Variants in GAREM1 observed in about 807,000 individuals in gnomAD.
The protein encoded by GAREM1 is GRB2-associated and regulator of MAPK protein 1.
Under a neutral mutation model 71.3 loss-of-function variants are expected in GAREM1, and 26 were observed. The ratio of observed to expected loss-of-function variants is 0.36; its 90% CI spans 0.27 to 0.51. The LOEUF is 0.51. GAREM1 is among the 20% of genes least tolerant of loss of function. The probability of loss-of-function intolerance (pLI) is 0.95; values close to 1 mark genes in which losing one functional copy is unlikely to be tolerated. For synonymous variants in GAREM1, 440 were observed against 433.2 expected, an observed-to-expected ratio of 1.02 and a Z score of -0.20; for missense variants, 1,026 against 1,103.1, an observed-to-expected ratio of 0.93 and a Z score of 0.99.
intron 2 of GAREM1, among the ~76,000 whole-genome samples, chr18:32,337,665 A>G (rs2047610623): frequency 6.6e-6 from 1 of 152,238 alleles, no homozygotes; most frequent in African/African-American, 2.4e-5. Context: ...GACAATGAGT[A>G]AGTGATACGA....
chr18:32,422,893 T>A (rs113949628), intron 1 of GAREM1, among the ~76,000 whole-genome samples: 1 of 152,196 alleles, frequency 6.6e-6, no homozygotes, highest in South Asian at 2.1e-4. Context: ...TGAGGAAATA[T>A]GTACAAGGTT....
rs2041368643 is a variant in GAREM1 at position 32,265,986 on chromosome 18, G to C, written c.*1885C>G. ...AACACGAAAGCTTCATAGGTCTCAT[G>C]TCCTGTGAGTGCAGTACCAGCACTT... On this transcript the variant is annotated 3_prime_UTR_variant, in exon 6 of 6. Coordinates refer to ENST00000269209, the MANE Select transcript of GAREM1 (RefSeq NM_001242409.2). The C allele has an allele frequency of 6.6e-6, 1 of 152,184 alleles. No homozygotes were observed. Among genetic ancestry groups the C allele is most frequent in the Admixed American group, 6.5e-5 (1 of 15,284 alleles). 9.4% of individuals were successfully genotyped at this position (152,184 alleles called of 1,614,324 possible). A position where few individuals can be genotyped will look rare whatever the true frequency, so the allele number is the denominator to read the frequency against.
intron 2 of GAREM1, among the ~76,000 whole-genome samples, chr18:32,321,715 A>T (rs1403738546): frequency 2.0e-5 from 3 of 152,140 alleles, no homozygotes; most frequent in Admixed American, 2.0e-4. Flanking sequence ...TGTCAACTTC[A>T]ACTCCATTCT....
At chr18:32,457,220 A>ATGTGTGT (rs1568018903) in intron 1 of GAREM1, among the ~76,000 whole-genome samples, 14 of 109,394 alleles carry the variant, frequency 1.3e-4, no homozygotes, top group African/African-American at 4.2e-4. Flanking sequence ...AGAGAGAGAG[A>ATGTGTGT]GAGAGAGTGT....
At chr18:32,435,134 T>G (rs1387140651) in intron 1 of GAREM1, among the ~76,000 whole-genome samples, 1 of 151,970 alleles carries the variant, frequency 6.6e-6, no homozygotes, top group African/African-American at 2.4e-5. Flanking sequence ...ATGACCAGGA[T>G]TCTTCAAAAG....
chr18:32,414,281 T>C (rs2048446762), intron 1 of GAREM1, among the ~76,000 whole-genome samples: 1 of 152,144 alleles, frequency 6.6e-6, no homozygotes, highest in Non-Finnish European at 1.5e-5. Flanking sequence ...TGTGTCAACT[T>C]GATCCAGTGA....
chr18:32,318,256 T>C (rs1449693787), intron 2 of GAREM1, among the ~76,000 whole-genome samples: 1 of 152,232 alleles, frequency 6.6e-6, no homozygotes, highest in Non-Finnish European at 1.5e-5. Context: ...ATTTCATAAC[T>C]GACATTATGA....
intron 1 of GAREM1, among the ~76,000 whole-genome samples, chr18:32,460,801 A>G (rs764943575): frequency 6.6e-6 from 1 of 152,220 alleles, no homozygotes; most frequent in Non-Finnish European, 1.5e-5. Flanking sequence ...TCTAAGATTC[A>G]TGGCATTCTA....
At chr18:32,445,620 T>C (rs2048779347) in intron 1 of GAREM1, among the ~76,000 whole-genome samples, 1 of 152,198 alleles carries the variant, frequency 6.6e-6, no homozygotes, top group Non-Finnish European at 1.5e-5. Context: ...TGACGAAAGA[T>C]AATCAAGCTG....
intron 3 of GAREM1, among the ~76,000 whole-genome samples, chr18:32,305,718 C>T (rs941353600): frequency 1.4e-4 from 22 of 152,182 alleles, no homozygotes; most frequent in Non-Finnish European, 2.5e-4. Context: ...CGGGGTTTCG[C>T]CACATTGGCC....
chr18:32,417,762 T>C (rs1396574121), intron 1 of GAREM1, among the ~76,000 whole-genome samples: 1 of 152,070 alleles, frequency 6.6e-6, no homozygotes. Flanking sequence ...GGATGGTTAA[T>C]GGACACACAC....
At chr18:32,399,345 T>G (rs2144668448) in intron 1 of GAREM1, among the ~76,000 whole-genome samples, 1 of 152,180 alleles carries the variant, frequency 6.6e-6, no homozygotes, top group Middle Eastern at 3.4e-3. Context: ...GAGAAAGAAA[T>G]AAAGGGTATT....
chr18:32,339,572 C>T (rs2047629670), intron 2 of GAREM1, among the ~76,000 whole-genome samples: 1 of 152,234 alleles, frequency 6.6e-6, no homozygotes, highest in African/African-American at 2.4e-5. Flanking sequence ...TTCACACCTA[C>T]AGCATCCACT....
intron 1 of GAREM1, among the ~76,000 whole-genome samples, chr18:32,407,845 C>G (rs1384483252): frequency 6.6e-6 from 1 of 152,096 alleles, no homozygotes; most frequent in Non-Finnish European, 1.5e-5. Flanking sequence ...CACTTTGGGT[C>G]TCTGTGACTT....
At chr18:32,301,191 C>T (rs1431945070) in intron 3 of GAREM1, among the ~76,000 whole-genome samples, 1 of 152,156 alleles carries the variant, frequency 6.6e-6, no homozygotes, top group Non-Finnish European at 1.5e-5. Context: ...GCATTTTAGT[C>T]ATGTCGGTGT....
intron 2 of GAREM1, among the ~76,000 whole-genome samples, chr18:32,354,078 G>A (rs77008015): frequency 0.096 from 14,628 of 152,128 alleles, 761 homozygotes; most frequent in Middle Eastern, 0.12. Flanking sequence ...AATCTAAACT[G>A]ACAAATTCAT....
chr18:32,440,638 G>A (rs1218098935), intron 1 of GAREM1, among the ~76,000 whole-genome samples: 2 of 152,178 alleles, frequency 1.3e-5, no homozygotes, highest in South Asian at 2.1e-4. Flanking sequence ...AGCAGATGGC[G>A]GTTGTGATGT....
chr18:32,371,837 A>G (rs2047983084), intron 2 of GAREM1, among the ~76,000 whole-genome samples: 1 of 152,170 alleles, frequency 6.6e-6, no homozygotes, highest in South Asian at 2.1e-4. Flanking sequence ...GGCACAAGTG[A>G]TAATCTTAAA....
chr18:32,455,398 T>A (rs1254615423), intron 1 of GAREM1, among the ~76,000 whole-genome samples: 1 of 152,186 alleles, frequency 6.6e-6, no homozygotes, highest in African/African-American at 2.4e-5. Flanking sequence ...GAATAGCATG[T>A]GAAAGTTGCC....
Sources: allele counts gnomAD v4.1 joint callset (sites outside exome capture counted in the v4.1 genomes callset), GRCh38; gene constraint gnomAD v4.1.1; transcripts MANE v1.5; gene names NCBI Gene and HGNC (gene_info 2026-07-23, HGNC 2026-07-21).